Variants in ST3GAL3 observed in about 807,000 individuals in gnomAD.
ST3GAL3 encodes the protein CMP-N-acetylneuraminate-beta-1,4-galactoside alpha-2,3-sialyltransferase.
A neutral mutation model predicts 50.1 loss-of-function variants in ST3GAL3; 21 were observed. That is an observed-to-expected ratio of 0.42 (90% confidence interval 0.30 to 0.60). The LOEUF is 0.60. Among genes scored for constraint, ST3GAL3 ranks in the 20% least tolerant of loss-of-function variants. The pLI, the probability that ST3GAL3 is intolerant of heterozygous loss-of-function variation, is 0.19. For missense variants in ST3GAL3, 353 were observed against 489.4 expected (o/e 0.72, Z 2.63); for synonymous variants, 183 against 190.0 (o/e 0.96, Z 0.30).
Position 43,929,952 on chromosome 1 carries a change from G to A in ST3GAL3, c.1039-180G>A, listed in dbSNP as rs939682444. On this transcript the variant is annotated intron_variant, in intron 11 of 11. Transcript: ENST00000347631. ...TCTTGGGAAGGGAGGAGGATGAGCT[G>A]TGGCACTCCTAGAGCAGGGTCATCA... 11 of 752,512 alleles carry A rather than the reference G, an allele frequency of 1.5e-5. No individual in the cohort carries two copies. The African/African-American group carries it at 1.9e-4, about 13-fold the overall frequency. 46.6% of individuals were successfully genotyped at this position (752,512 alleles called of 1,614,324 possible).
chr1:43,765,787 G>A (rs1299838254), intron 2 of ST3GAL3, among the ~76,000 whole-genome samples: 1 of 129,360 alleles, frequency 7.7e-6, no homozygotes. Context: ...GTGTGTGTGC[G>A]CGCGCGCGCG....
intron 3 of ST3GAL3, chr1:43,801,528 C>A: frequency 2.7e-6 from 1 of 364,552 alleles, no homozygotes; most frequent in Non-Finnish European, 5.5e-6. Flanking sequence ...GTGCTCCCAA[C>A]TGCACGTCAG....
rs543670542 is a variant in ST3GAL3 at position 43,860,376 on chromosome 1, G to A, written c.302+22065G>A. ...CATCCAGGAGGCCTGGGCTCCTGAC[G>A]CAGCCCTGTCTCCAGTGGGCCTGCT... On this transcript the variant is annotated intron_variant, in intron 5 of 11. Coordinates refer to ENST00000347631, the MANE Select transcript of ST3GAL3 (RefSeq NM_006279.5). 1.6e-3 allele frequency among the ~76,000 whole-genome samples: 251 copies of A among 152,330 alleles called. 1 individual carries two copies. Among genetic ancestry groups the A allele is most frequent in the African/African-American group, 5.6e-3 (232 of 41,574 alleles).
intron 1 of ST3GAL3, chr1:43,708,189 C>G (rs571399634): frequency 1.3e-5 from 2 of 152,342 alleles, no homozygotes; most frequent in African/African-American, 4.8e-5. Flanking sequence ...GGCACTTTCC[C>G]CCGTTGTGTC....
intron 3 of ST3GAL3, among the ~76,000 whole-genome samples, chr1:43,798,853 A>G (rs1448060516): frequency 6.6e-6 from 1 of 152,182 alleles, no homozygotes; most frequent in African/African-American, 2.4e-5. Context: ...CTGGCACATA[A>G]TAGGTGCTAA....
intron 5 of ST3GAL3, among the ~76,000 whole-genome samples, chr1:43,881,722 G>A (rs1006379726): frequency 6.6e-6 from 1 of 152,110 alleles, no homozygotes; most frequent in African/African-American, 2.4e-5. Flanking sequence ...AGCTTGTCTG[G>A]ACACGGATGT....
intron 5 of ST3GAL3, among the ~76,000 whole-genome samples, chr1:43,875,177 G>C (rs2073819166): frequency 1.3e-5 from 2 of 152,152 alleles, no homozygotes; most frequent in South Asian, 4.1e-4. Context: ...AGGAAGTAAA[G>C]GACAGTGAAA....
chr1:43,897,419 A>G (rs571847495), intron 6 of ST3GAL3, among the ~76,000 whole-genome samples: 2 of 152,330 alleles, frequency 1.3e-5, no homozygotes, highest in Non-Finnish European at 2.9e-5. Context: ...GAAATGATTT[A>G]TATAAGGTCA....
At chr1:43,851,632 G>A in intron 5 of ST3GAL3, 1 of 1,279,850 alleles carries the variant, frequency 7.8e-7, no homozygotes, top group South Asian at 1.2e-5. Context: ...TAATGATGTT[G>A]TAAACCTCAA....
At chr1:43,923,966 C>T (rs1160918556) in intron 11 of ST3GAL3, among the ~76,000 whole-genome samples, 1 of 152,020 alleles carries the variant, frequency 6.6e-6, no homozygotes, top group Non-Finnish European at 1.5e-5. Flanking sequence ...GCCCTCATGA[C>T]CTGATCACCT....
At chr1:43,855,032 A>C (rs895607182) in intron 5 of ST3GAL3, among the ~76,000 whole-genome samples, 8 of 152,084 alleles carry the variant, frequency 5.3e-5, no homozygotes, top group Non-Finnish European at 1.0e-4. Flanking sequence ...AAAAGTTGCC[A>C]CATTGATCCT....
chr1:43,764,791 A>G (rs1369961802), intron 2 of ST3GAL3, among the ~76,000 whole-genome samples: 2 of 152,208 alleles, frequency 1.3e-5, no homozygotes, highest in East Asian at 3.9e-4. Context: ...AGCGCTCTTC[A>G]GCAGATGCAT....
rs1298088785 is a variant in ST3GAL3 at position 43,824,753 on chromosome 1, G to A, written c.209+9820G>A. On this transcript the variant is annotated intron_variant, in intron 4 of 11. Transcript: ENST00000347631. ...CAGCTCACCGAGGACTCTCTGCACG[G>A]TGGTTTTTGGCCTTGACTGCATATT... is the stretch of plus-strand genomic sequence containing the variant. 1.9e-6 allele frequency: 3 copies of A among 1,613,948 alleles called. No homozygotes were observed. In the South Asian group the frequency reaches 3.3e-5, roughly 18 times the overall value.
intron 4 of ST3GAL3, among the ~76,000 whole-genome samples, chr1:43,831,109 C>G (rs2063483891): frequency 6.6e-6 from 1 of 152,198 alleles, no homozygotes. Flanking sequence ...TTGTGTCTTA[C>G]CTGAGGTTGC....
intron 3 of ST3GAL3, among the ~76,000 whole-genome samples, chr1:43,797,830 G>T (rs530305280): frequency 7.9e-5 from 12 of 152,148 alleles, no homozygotes; most frequent in Non-Finnish European, 1.6e-4. Flanking sequence ...GCCTACATAG[G>T]AAATCCCAAG....
intron 5 of ST3GAL3, chr1:43,850,341 T>A: frequency 1.7e-6 from 1 of 596,692 alleles, no homozygotes; most frequent in African/African-American, 1.9e-5. Context: ...AGTGAAGCTC[T>A]CAACCTCCTC....
chr1:43,763,832 G>T (rs1204622895), intron 2 of ST3GAL3, among the ~76,000 whole-genome samples: 1 of 152,120 alleles, frequency 6.6e-6, no homozygotes, highest in South Asian at 2.1e-4. Flanking sequence ...TATGTTCCAG[G>T]CTCCCCTGCA....
intron 1 of ST3GAL3, among the ~76,000 whole-genome samples, chr1:43,730,289 C>G (rs560323655): frequency 2.2e-4 from 33 of 152,260 alleles, no homozygotes; most frequent in African/African-American, 7.0e-4. Flanking sequence ...TCTGCCAGAG[C>G]CTTGGGCTGT....
intron 11 of ST3GAL3, among the ~76,000 whole-genome samples, chr1:43,927,988 G>A (rs1219921987): frequency 1.3e-5 from 2 of 152,182 alleles, no homozygotes; most frequent in Non-Finnish European, 2.9e-5. Context: ...AGGTTGAAGG[G>A]AATGCTCAGA....
Sources: allele counts gnomAD v4.1 joint callset (sites outside exome capture counted in the v4.1 genomes callset), GRCh38; gene constraint gnomAD v4.1.1; transcripts MANE v1.5; gene names NCBI Gene and HGNC (gene_info 2026-07-23, HGNC 2026-07-21).